ERCC6L2: variants seen among roughly 807,000 people sequenced by gnomAD.
ERCC6L2 encodes the protein ERCC excision repair 6 like 2.
A neutral mutation model predicts 132.0 loss-of-function variants in ERCC6L2; 77 were observed. That is an observed-to-expected ratio of 0.58 (90% CI 0.49 to 0.71). The LOEUF (loss-of-function observed/expected upper bound fraction) is 0.71, where lower values mean the gene tolerates loss of function less well. Ranked by LOEUF, ERCC6L2 falls within the 30% of genes least tolerant of loss-of-function variation. The pLI is 0.00. For missense variants in ERCC6L2, 1,542 were observed against 1,837.6 expected (o/e 0.84, Z 2.94); for synonymous variants, 583 against 632.4 (o/e 0.92, Z 1.17).
chr9:95,973,244 G>C (rs75714741), intron 16 of ERCC6L2, among the ~76,000 whole-genome samples, 156 bp downstream of exon 16: 4 of 152,288 alleles, frequency 2.6e-5, no homozygotes, highest in Non-Finnish European at 5.9e-5. Context: ...ATAAATGGGA[G>C]ACCACATATA....
intron 17 of ERCC6L2, among the ~76,000 whole-genome samples, chr9:95,978,983 C>T (rs1429391293): frequency 2.0e-5 from 3 of 152,086 alleles, no homozygotes; most frequent in Non-Finnish European, 1.5e-5. Flanking sequence ...ACTGGTTTGA[C>T]AAAGGAATTA....
chr9:96,011,056 T>G (rs1001152227), intron 18 of ERCC6L2, among the ~76,000 whole-genome samples: 3 of 152,194 alleles, frequency 2.0e-5, no homozygotes, highest in African/African-American at 7.2e-5. Flanking sequence ...TGGCCCAAAC[T>G]CATCATCAGC....
intron 4 of ERCC6L2, among the ~76,000 whole-genome samples, chr9:95,915,058 G>A (rs1829516338): frequency 6.6e-6 from 1 of 152,048 alleles, no homozygotes; most frequent in African/African-American, 2.4e-5. Flanking sequence ...CAATTAGGCT[G>A]GCGTCTCTAT....
chr9:95,965,371 AAATG>A (rs1313145831), intron 13 of ERCC6L2, among the ~76,000 whole-genome samples: 2 of 152,194 alleles, frequency 1.3e-5, no homozygotes, highest in Non-Finnish European at 2.9e-5. Context: ...TGTAAGGATT[AAATG>A]AGAGTATGGA....
chr9:96,011,612 A>G lies in ERCC6L2; in HGVS notation c.3675-613A>G, dbSNP rs559333209. Among the ~76,000 whole-genome samples, 8 of 152,344 alleles carry G rather than the reference A, an allele frequency of 5.3e-5. No individual in the cohort carries two copies. The South Asian group carries it at 1.4e-3, about 28-fold the overall frequency. On this transcript the variant is annotated intron_variant, in intron 18 of 18. Transcript: ENST00000653738. ...ATTAGTATCTTACACTAAGAATACA[A>G]CACATTTCTTCTAATAGCATCTCAC... is the stretch of plus-strand genomic sequence containing the variant.
At chr9:95,896,691 T>C (rs1252784630) in intron 2 of ERCC6L2, among the ~76,000 whole-genome samples, 2 of 152,216 alleles carry the variant, frequency 1.3e-5, no homozygotes, top group African/African-American at 4.8e-5. Flanking sequence ...CCCAAAGTGC[T>C]GGGATTACAT....
At chr9:95,891,127 C>A (rs927695134) in intron 2 of ERCC6L2, among the ~76,000 whole-genome samples, 2 of 152,112 alleles carry the variant, frequency 1.3e-5, no homozygotes, top group South Asian at 4.1e-4. Context: ...GCAGGAGAAT[C>A]ACTTGCAGCC....
intron 19 of ERCC6L2, among the ~76,000 whole-genome samples, chr9:96,036,480 T>C (rs932084367): frequency 2.6e-5 from 4 of 152,246 alleles, no homozygotes; most frequent in Non-Finnish European, 4.4e-5. Flanking sequence ...GCTCTGAATT[T>C]GGGTGTTGAT....
chr9:95,878,882 A>G (rs1202670655), intron 1 of ERCC6L2, among the ~76,000 whole-genome samples: 2 of 151,694 alleles, frequency 1.3e-5, no homozygotes, highest in African/African-American at 4.8e-5. Flanking sequence ...TATATGTGCC[A>G]CATTTTCTTA....
intron 16 of ERCC6L2, among the ~76,000 whole-genome samples, chr9:95,973,570 AAGAG>A (rs1198861480): frequency 2.6e-5 from 4 of 152,150 alleles, no homozygotes; most frequent in Admixed American, 1.3e-4. Flanking sequence ...GTGGCAGGAA[AAGAG>A]AGAGAGCTTG....
intron 17 of ERCC6L2, among the ~76,000 whole-genome samples, chr9:96,002,053 C>T (rs1427667444): frequency 6.6e-6 from 1 of 152,254 alleles, no homozygotes; most frequent in East Asian, 1.9e-4. Context: ...GGAACTCCAG[C>T]TGGCCCACAA....
intron 3 of ERCC6L2, among the ~76,000 whole-genome samples, chr9:95,899,033 T>C (rs963106595): frequency 1.3e-5 from 2 of 152,068 alleles, no homozygotes; most frequent in African/African-American, 4.8e-5. Flanking sequence ...TGGTTCTAAA[T>C]GTCACCACAG....
chr9:95,942,109 A>G (rs1690061783), intron 12 of ERCC6L2, among the ~76,000 whole-genome samples: 1 of 152,178 alleles, frequency 6.6e-6, no homozygotes, highest in Non-Finnish European at 1.5e-5. Flanking sequence ...AATTTTACAC[A>G]TTTTATAAAC....
chr9:95,968,054 A>C (rs1832242790), intron 14 of ERCC6L2: 1 of 152,202 alleles, frequency 6.6e-6, no homozygotes, highest in Non-Finnish European at 1.5e-5. Flanking sequence ...TCAGGATGAC[A>C]GGTTATTAAG....
chr9:95,960,369 T>A (rs1440735885), intron 13 of ERCC6L2, among the ~76,000 whole-genome samples: 1 of 152,208 alleles, frequency 6.6e-6, no homozygotes, highest in Non-Finnish European at 1.5e-5. Context: ...TATCAATTTC[T>A]AATCCCTGGA....
At chr9:95,917,886 G>A (rs539499991) in intron 6 of ERCC6L2, among the ~76,000 whole-genome samples, 8 of 152,180 alleles carry the variant, frequency 5.3e-5, no homozygotes, top group African/African-American at 1.7e-4. Flanking sequence ...GAAATATTGA[G>A]TAATTGGTAC....
chr9:95,999,338 G>A (rs949194411), intron 17 of ERCC6L2, among the ~76,000 whole-genome samples: 4 of 151,456 alleles, frequency 2.6e-5, no homozygotes, highest in African/African-American at 9.7e-5. Context: ...TCCAGCCTGG[G>A]CGAGAGAGTG....
At chr9:95,927,752 A>G (rs1399477140) in intron 9 of ERCC6L2, among the ~76,000 whole-genome samples, 1 of 152,208 alleles carries the variant, frequency 6.6e-6, no homozygotes, top group Non-Finnish European at 1.5e-5. Context: ...TTGTAGGTAT[A>G]AAGAAAGTGT....
At chr9:95,966,050 A>G (rs535224938) in intron 13 of ERCC6L2, among the ~76,000 whole-genome samples, 1 of 152,326 alleles carries the variant, frequency 6.6e-6, no homozygotes, top group African/African-American at 2.4e-5. Flanking sequence ...ATTCAAAATT[A>G]TGTCAAAGAT....
Sources: allele counts gnomAD v4.1 joint callset (sites outside exome capture counted in the v4.1 genomes callset), GRCh38; gene constraint gnomAD v4.1.1; transcripts MANE v1.5; gene names NCBI Gene and HGNC (gene_info 2026-07-23, HGNC 2026-07-21).